Variants in OSBPL6 observed in about 807,000 individuals in gnomAD.
The protein encoded by OSBPL6 is oxysterol binding protein like 6.
OSBPL6 carries 49 observed loss-of-function variants against 125.8 expected under a neutral mutation model. That is an observed-to-expected ratio of 0.39 (90% CI 0.31 to 0.49). The LOEUF is 0.49. Ranked by LOEUF, OSBPL6 falls within the 20% of genes least tolerant of loss-of-function variation. OSBPL6 has a pLI of 0.88. For synonymous variants in OSBPL6, 394 were observed against 391.8 expected (o/e 1.01, Z -0.07); for missense variants, 986 against 1,135.4 (o/e 0.87, Z 1.89).
chr2:178,383,057 G>C lies in OSBPL6; in HGVS notation c.1655G>C (p.Arg552Pro). Reference sequence around the variant, plus strand: ...GGGGAGCTTACAGGAGGGGCCTTCCGAAATGGGCGTCGAGCATGCCTGCCA... The same window carrying C: ...GGGGAGCTTACAGGAGGGGCCTTCCCAAATGGGCGTCGAGCATGCCTGCCA... ...LNGELTGGAF[R>P]NGRRACLPAP... Residue 552 changes from arginine to proline, a missense_variant, in exon 17 of 25, where the codon CGA becomes CCA. Arg to Pro is a moderately radical substitution (Grantham distance 103). This residue lies in a region of OSBPL6 where 843 missense variants were observed against 997.3 expected (regional missense o/e 0.85). Transcript: ENST00000190611. 6.2e-6 allele frequency: 10 copies of C among 1,614,180 alleles called. No individual in the cohort carries two copies. The highest frequency in any genetic ancestry group is 8.5e-6 in the Non-Finnish European group (10 of 1,180,026).
At chr2:178,251,033 C>A (rs2091675042) in intron 1 of OSBPL6, among the ~76,000 whole-genome samples, 1 of 151,776 alleles carries the variant, frequency 6.6e-6, no homozygotes, top group South Asian at 2.1e-4. Context: ...CTGGATGTTT[C>A]TTTTCCTGTC....
At chr2:178,319,518 C>T (rs553759662) in intron 3 of OSBPL6, among the ~76,000 whole-genome samples, 2 of 152,274 alleles carry the variant, frequency 1.3e-5, no homozygotes, top group South Asian at 2.1e-4. Context: ...TTGTCACCTT[C>T]CAACTCCAAC....
At chr2:178,216,854 G>T (rs1230534779) in intron 1 of OSBPL6, among the ~76,000 whole-genome samples, 1 of 152,150 alleles carries the variant, frequency 6.6e-6, no homozygotes, top group Non-Finnish European at 1.5e-5. Flanking sequence ...GAGAATAAAA[G>T]GTTTGGCTCA....
chr2:178,355,295 A>T (rs775295588), intron 12 of OSBPL6, among the ~76,000 whole-genome samples: 1 of 152,214 alleles, frequency 6.6e-6, no homozygotes, highest in African/African-American at 2.4e-5. Context: ...TAATGAATCC[A>T]GGAGCTGGTT....
intron 2 of OSBPL6, among the ~76,000 whole-genome samples, chr2:178,288,027 AGAG>A (rs2154039619): frequency 6.6e-6 from 1 of 152,200 alleles, no homozygotes; most frequent in African/African-American, 2.4e-5. Context: ...AAAAAGTGGA[AGAG>A]GAGAAAGAGT....
chr2:178,339,855 G>A, intron 11 of OSBPL6, 91 bp downstream of exon 11: 2 of 824,374 alleles, frequency 2.4e-6, no homozygotes, highest in Admixed American at 3.8e-5. Flanking sequence ...AGATTGAAAG[G>A]GCAACTTAAC....
chr2:178,200,926 G>A (rs1034605306), intron 1 of OSBPL6, among the ~76,000 whole-genome samples: 1 of 152,014 alleles, frequency 6.6e-6, no homozygotes, highest in South Asian at 2.1e-4. Flanking sequence ...CTCCCGAGTA[G>A]CTGGATTACA....
chr2:178,322,460 C>G (rs1002662639), intron 3 of OSBPL6, among the ~76,000 whole-genome samples: 2 of 152,092 alleles, frequency 1.3e-5, no homozygotes, highest in African/African-American at 4.8e-5. Flanking sequence ...GATAAGAACT[C>G]TTTCTAGAAT....
rs192793605 is a variant in OSBPL6 at position 178,391,733 on chromosome 2, G to C, written c.2446+516G>C. On this transcript the variant is annotated intron_variant, in intron 22 of 24. Coordinates refer to ENST00000190611, the MANE Select transcript of OSBPL6 (RefSeq NM_032523.4). Reference sequence around the variant, plus strand: ...GAGTTCTGATAACACATTAGCTTATGATTGAATATCAAGTATAAATGGAAC... The same window carrying C: ...GAGTTCTGATAACACATTAGCTTATCATTGAATATCAAGTATAAATGGAAC... Among the ~76,000 whole-genome samples the C allele has an allele frequency of 2.7e-3, 408 of 152,300 alleles. 5 individuals are homozygous for C. The highest frequency in any genetic ancestry group is 1.0e-3 in the Non-Finnish European group (69 of 68,020).
At chr2:178,387,233 C>G in intron 20 of OSBPL6, 94 bp downstream of exon 20, 6 of 944,432 alleles carry the variant, frequency 6.4e-6, no homozygotes, top group Non-Finnish European at 9.3e-6. Flanking sequence ...GGGTTTCTTT[C>G]TCTTTATACC....
chr2:178,293,241 G>C (rs1685448725), intron 2 of OSBPL6, among the ~76,000 whole-genome samples: 1 of 152,096 alleles, frequency 6.6e-6, no homozygotes. Context: ...GTACAGTGTT[G>C]CTTAGATTTA....
chr2:178,286,559 T>C (rs181063119), intron 2 of OSBPL6, among the ~76,000 whole-genome samples: 1 of 152,212 alleles, frequency 6.6e-6, no homozygotes, highest in Non-Finnish European at 1.5e-5. Flanking sequence ...AAAGATAAGA[T>C]GTTTCAGGCC....
At chr2:178,257,037 C>T (rs757701087) in intron 1 of OSBPL6, among the ~76,000 whole-genome samples, 3 of 152,116 alleles carry the variant, frequency 2.0e-5, no homozygotes, top group Admixed American at 6.5e-5. Context: ...TTTCTTGAAT[C>T]GAATATATGT....
chr2:178,233,941 G>A (rs2090942835), intron 1 of OSBPL6, among the ~76,000 whole-genome samples: 1 of 152,028 alleles, frequency 6.6e-6, no homozygotes, highest in Admixed American at 6.6e-5. Flanking sequence ...CTTGCCTCAT[G>A]CTTTACATAT....
At chr2:178,264,425 A>G (rs2092162928) in intron 1 of OSBPL6, among the ~76,000 whole-genome samples, 1 of 152,198 alleles carries the variant, frequency 6.6e-6, no homozygotes. Flanking sequence ...GTTGAAAACA[A>G]TTTTGACTCA....
rs746042685 is a variant in OSBPL6 at position 178,336,428 on chromosome 2, CAGA to C, written c.788_790del (p.Glu263del). 51 of 1,613,714 alleles carry C rather than the reference CAGA, an allele frequency of 3.2e-5. No individual in the cohort carries two copies. Among genetic ancestry groups the C allele is most frequent in the Non-Finnish European group, 4.3e-5 (51 of 1,179,916 alleles). ...GACTCGGAAGAGATGGACAGGTGTG[CAGA>C]AGGTTAGTTCTTGCCCAGTGTGGCC... On this transcript the variant is annotated inframe_deletion and splice_region_variant, in exon 9 of 25. Coordinates refer to ENST00000190611, the MANE Select transcript of OSBPL6 (RefSeq NM_032523.4).
chr2:178,285,795 C>G (rs2154034003), intron 2 of OSBPL6, among the ~76,000 whole-genome samples: 1 of 152,326 alleles, frequency 6.6e-6, no homozygotes, highest in East Asian at 1.9e-4. Context: ...AAGTTTGTGG[C>G]ATTAATCGTC....
chr2:178,215,954 C>G (rs552335410), intron 1 of OSBPL6, among the ~76,000 whole-genome samples: 58 of 152,222 alleles, frequency 3.8e-4, no homozygotes, highest in Non-Finnish European at 7.6e-4. Context: ...GGTTTGGAGG[C>G]TGGTGTTATT....
At chr2:178,281,148 A>G (rs1415259649) in intron 1 of OSBPL6, among the ~76,000 whole-genome samples, 2 of 151,638 alleles carry the variant, frequency 1.3e-5, no homozygotes, top group Middle Eastern at 3.4e-3. Flanking sequence ...AATAGCTGGG[A>G]TTACAGGCAT....
Sources: allele counts gnomAD v4.1 joint callset (sites outside exome capture counted in the v4.1 genomes callset), GRCh38; gene constraint gnomAD v4.1.1; regional missense constraint gnomAD v4.1.1; transcripts MANE v1.5; gene names NCBI Gene and HGNC (gene_info 2026-07-23, HGNC 2026-07-21).